The following SUN1 variants were observed in gnomAD, a reference collection of about 807,000 sequenced individuals.
The protein encoded by SUN1 is SUN domain-containing protein 1.
Under a neutral mutation model 103.2 loss-of-function variants are expected in SUN1, and 61 were observed. The observed-to-expected ratio is 0.59, with a 90% confidence interval of 0.48 to 0.73. SUN1 has a LOEUF of 0.73. Among genes scored for constraint, SUN1 ranks in the 30% least tolerant of loss-of-function variants. The pLI is 0.00. For synonymous variants in SUN1, 490 were observed against 425.7 expected (o/e 1.15, Z -1.86); for missense variants, 1,052 against 1,034.6 (o/e 1.02, Z -0.23).
At chr7:849,758 T>A (rs1820106342) in intron 5 of SUN1, 1 of 1,083,414 alleles carries the variant, frequency 9.2e-7, no homozygotes, top group South Asian at 1.3e-5. Flanking sequence ...TAAGCCCTCA[T>A]CACAGAAGCT....
intron 1 of SUN1, among the ~76,000 whole-genome samples, chr7:834,545 C>T (rs980238588): frequency 1.3e-5 from 2 of 152,182 alleles, no homozygotes; most frequent in Non-Finnish European, 1.5e-5. Context: ...GCCGGCCTTG[C>T]GTTGGGTCCT....
At chr7:822,503 T>G (rs1787197201) in intron 1 of SUN1, among the ~76,000 whole-genome samples, 1 of 152,202 alleles carries the variant, frequency 6.6e-6, no homozygotes, top group African/African-American at 2.4e-5. Flanking sequence ...GCATGTGTAG[T>G]TTGAACACAG....
At chr7:829,560 G>GT (rs1200395457), upstream of SUN1, among the ~76,000 whole-genome samples, 1,343 of 121,096 alleles carry the variant, frequency 0.011, 9 homozygotes, top group Middle Eastern at 0.017. Context: ...TTTTTTTTTT[G>GT]TTTTTTTTTT....
At chr7:828,603 G>T (rs1047410467), upstream of SUN1, among the ~76,000 whole-genome samples, 1 of 152,194 alleles carries the variant, frequency 6.6e-6, no homozygotes, top group Non-Finnish European at 1.5e-5. Flanking sequence ...AACCTAAGCC[G>T]TAGGTTTGAA....
At chr7:845,157 G>A (rs1012629671) in intron 5 of SUN1, among the ~76,000 whole-genome samples, 3 of 152,212 alleles carry the variant, frequency 2.0e-5, no homozygotes, top group African/African-American at 4.8e-5. Context: ...TGTAGTAAAT[G>A]TGTGTCTCTC....
At chr7:841,839 C>T in intron 2 of SUN1, 107 bp from the exon 3 acceptor site, 3 of 1,255,398 alleles carry the variant, frequency 2.4e-6, no homozygotes, top group Non-Finnish European at 3.3e-6. Flanking sequence ...AATGGTTTGC[C>T]TTAAAATGCT....
chr7:858,288 C>T (rs1829383610), intron 13 of SUN1, among the ~76,000 whole-genome samples: 1 of 152,196 alleles, frequency 6.6e-6, no homozygotes, highest in Admixed American at 6.5e-5. Flanking sequence ...CTCCTGACTC[C>T]AAGTGATCCA....
Position 854,982 on chromosome 7 carries a change from G to C in SUN1, c.1326G>C (p.Leu442=). Residue 442 remains leucine (L), a synonymous_variant, in exon 11 of 19, where the codon CTG becomes CTC. Coordinates refer to ENST00000401592, the MANE Select transcript of SUN1 (RefSeq NM_001130965.3). ...GTATGTCACACTTGGAAGATATTCT[G>C]GGAAAACTGAGAGAAAAATCTGAGG... ...EVRMSHLEDI[L]GKLREKSEAI... is the part of the protein sequence containing the mutation. 2 of 1,612,870 alleles carry C rather than the reference G, an allele frequency of 1.2e-6. No individual in the cohort carries two copies. The highest frequency in any genetic ancestry group is 2.2e-5 in the South Asian group (2 of 90,866).
intron 1 of SUN1, chr7:817,327 G>A: frequency 8.3e-7 from 1 of 1,203,566 alleles, no homozygotes; most frequent in Non-Finnish European, 1.2e-6. Flanking sequence ...AGGCTCAAGC[G>A]ATCCCCTCGC....
intron 5 of SUN1, chr7:843,847 T>C (rs754133988): frequency 2.1e-5 from 29 of 1,358,784 alleles, no homozygotes; most frequent in African/African-American, 4.4e-5. Flanking sequence ...ACGGCACAGA[T>C]GTTCACACAT....
Position 857,872 on chromosome 7 carries a change from T to G in SUN1, c.1439T>G (p.Leu480Arg), listed in dbSNP as rs1828957757. 6.3e-7 allele frequency: 1 copy of G among 1,599,052 alleles called. No individual in the cohort carries two copies. The highest frequency in any genetic ancestry group is 8.6e-7 in the Non-Finnish European group (1 of 1,168,598). Residue 480 changes from leucine (L) to arginine (R), a missense_variant, in exon 13 of 19, where the codon CTG (leucine) becomes CGG (arginine). By Grantham distance (102) the Leu-to-Arg change is moderately radical. Around this residue, in one of 2 missense-constraint regions of SUN1, gnomAD observed 846 missense variants for 774.5 expected, o/e 1.09. Coordinates refer to ENST00000401592, the MANE Select transcript of SUN1 (RefSeq NM_001130965.3). Reference protein sequence around the residue: ...QLLPTVEHLQLELDQLKSELS... With the variant: ...QLLPTVEHLQRELDQLKSELS... ...CTGCCCACAGTCGAGCACCTCCAGC[T>G]GGAGCTGGATCAGCTAAAGTCAGAG...
At chr7:871,654 C>G (rs1009615263) in intron 17 of SUN1, among the ~76,000 whole-genome samples, 5 of 152,216 alleles carry the variant, frequency 3.3e-5, no homozygotes, top group Non-Finnish European at 7.3e-5. Flanking sequence ...TCCCAAAGTG[C>G]TGGGATTACA....
chr7:863,292 G>GCGCGCC (rs1562793784), intron 15 of SUN1, among the ~76,000 whole-genome samples: 5,181 of 149,530 alleles, frequency 0.035, 1,646 homozygotes, highest in Admixed American at 0.054. Flanking sequence ...GCCCTCCCGA[G>GCGCGCC]CTCGCCCTTG....
At chr7:854,082 C>G (rs2128406135) in intron 10 of SUN1, among the ~76,000 whole-genome samples, 1 of 152,364 alleles carries the variant, frequency 6.6e-6, no homozygotes, top group Non-Finnish European at 1.5e-5. Flanking sequence ...ACCCAGGAAC[C>G]TCTGCTTCAG....
intron 13 of SUN1, among the ~76,000 whole-genome samples, chr7:858,180 G>C (rs186977341): frequency 2.3e-3 from 344 of 152,152 alleles, no homozygotes; most frequent in African/African-American, 7.7e-3. Flanking sequence ...TTAGCCTCCC[G>C]AGTAGCTGGG....
intron 7 of SUN1, 53 bp from the exon 8 acceptor site, chr7:852,556 T>C (rs1035022389): frequency 6.2e-7 from 1 of 1,609,050 alleles, no homozygotes; most frequent in African/African-American, 1.3e-5. Context: ...AACAGATTGG[T>C]GAACCCTGAC....
At chr7:841,830 A>G (rs1299257334) in intron 2 of SUN1, 116 bp from the exon 3 acceptor site, 12 of 1,107,672 alleles carry the variant, frequency 1.1e-5, no homozygotes, top group Non-Finnish European at 1.5e-5. Context: ...GCATAGGAAA[A>G]TGGTTTGCCT....
Position 874,000 on chromosome 7 carries a change from T to C in SUN1, c.*669T>C, listed in dbSNP as rs1054611283. 6.6e-6 allele frequency: 1 copy of C among 152,280 alleles called. No individual in the cohort carries two copies. Among genetic ancestry groups the C allele is most frequent in the Admixed American group, 6.5e-5 (1 of 15,290 alleles). 9.4% of individuals were successfully genotyped at this position (152,280 alleles called of 1,614,324 possible). ...CCTTGTAGGCTGAAGTCAGTCTGACTTGAAGGGGCCTGGTTTGGATCTAAG... is the reference window on the plus strand; with the variant it reads ...CCTTGTAGGCTGAAGTCAGTCTGACCTGAAGGGGCCTGGTTTGGATCTAAG... On this transcript the variant is annotated 3_prime_UTR_variant, in exon 19 of 19. Transcript: ENST00000401592.
chr7:821,139 A>C (rs1296243780), intron 1 of SUN1, among the ~76,000 whole-genome samples: 4 of 149,822 alleles, frequency 2.7e-5, no homozygotes, highest in Admixed American at 6.6e-5. Context: ...GTGGATGCTA[A>C]CATCTATATT....
Sources: allele counts gnomAD v4.1 joint callset (sites outside exome capture counted in the v4.1 genomes callset), GRCh38; gene constraint gnomAD v4.1.1; regional missense constraint gnomAD v4.1.1; transcripts MANE v1.5; gene names NCBI Gene and HGNC (gene_info 2026-07-23, HGNC 2026-07-21).